SRGAP2: variants seen among roughly 807,000 people sequenced by gnomAD.
The protein encoded by SRGAP2 is SLIT-ROBO Rho GTPase activating protein 2.
Under a neutral mutation model 57.2 loss-of-function variants are expected in SRGAP2, and 15 were observed. The ratio of observed to expected loss-of-function variants is 0.26; its 90% CI spans 0.18 to 0.40. The LOEUF (loss-of-function observed/expected upper bound fraction) is 0.40, where lower values mean the gene tolerates loss of function less well. SRGAP2 is among the 10% of genes least tolerant of loss of function. SRGAP2 has a pLI of 1.00. For missense variants in SRGAP2, 520 were observed against 669.6 expected (o/e 0.78, Z 2.47); for synonymous variants, 249 against 248.0 (o/e 1.00, Z -0.04).
intron 3 of SRGAP2, among the ~76,000 whole-genome samples, chr1:206,304,008 C>T (rs1190979483): frequency 1.1e-4 from 17 of 152,082 alleles, no homozygotes; most frequent in African/African-American, 4.1e-4. Context: ...ACCATTTCAC[C>T]AAACTGTCTT....
rs199631556 is a variant in SRGAP2, at chr1:206,222,350, AC to A, written c.67+16314del. ...GATTGGCCTTTTTTTTTCACTGAGC[AC>A]AAGTCTCTGAAGACTCATTCAGGTT... On this transcript the variant is annotated intron_variant, in intron 2 of 22. Transcript: ENST00000573034. Among the ~76,000 whole-genome samples the A allele has an allele frequency of 6.7e-3, 1,017 of 152,054 alleles. 4 individuals carry two copies. The highest frequency in any genetic ancestry group is 0.034 in the Middle Eastern group (10 of 294).
At chr1:206,233,134 TG>T (rs1226288274) in intron 2 of SRGAP2, among the ~76,000 whole-genome samples, 1 of 152,102 alleles carries the variant, frequency 6.6e-6, no homozygotes, top group East Asian at 1.9e-4. Flanking sequence ...TGATGTCTAA[TG>T]CAATGCTCTT....
chr1:206,415,954 G>A lies in SRGAP2; in HGVS notation c.1422G>A (p.Leu474=). ...AGTTACAAGCCAAGCATGACCTTCT[G>A]CAGAAAACCCTGGGAGAAAGTGAGT... The part of the protein sequence containing the change: ...ITKLQAKHDL[L]QKTLGESQRT... Residue 474 remains leucine, a synonymous_variant, in exon 11 of 23, where the codon CTG becomes CTA. Coordinates refer to ENST00000573034, the MANE Select transcript of SRGAP2 (RefSeq NM_015326.5). The A allele has an allele frequency of 1.3e-6, 1 of 780,536 alleles. No individual in the cohort carries two copies. Among genetic ancestry groups the A allele is most frequent in the Non-Finnish European group, 2.4e-6 (1 of 417,904 alleles). The allele number at this position is 780,536 out of a possible 1,614,324, so 48.4% of individuals were successfully genotyped here. A position where few individuals can be genotyped will look rare whatever the true frequency, so the allele number is the denominator to read the frequency against.
intron 18 of SRGAP2, among the ~76,000 whole-genome samples, chr1:206,449,447 C>CTTTT (rs60880671): frequency 7.2e-6 from 1 of 138,786 alleles, no homozygotes; most frequent in African/African-American, 2.7e-5. Flanking sequence ...TGCACACTGG[C>CTTTT]TTTTTTTTTT....
chr1:206,442,753 A>G (rs1373188980), intron 17 of SRGAP2, among the ~76,000 whole-genome samples: 1 of 152,260 alleles, frequency 6.6e-6, no homozygotes, highest in African/African-American at 2.4e-5. Context: ...AGAATGCAAG[A>G]CACAAATGAT....
Position 206,461,060 on chromosome 1 carries a change from G to A in SRGAP2, c.2856G>A (p.Ser952=), listed in dbSNP as rs200791583. The A allele has an allele frequency of 1.3e-4, 95 of 716,100 alleles. No homozygotes were observed. The highest frequency in any genetic ancestry group is 2.2e-4 in the Non-Finnish European group (84 of 383,414). The allele number at this position is 716,100 out of a possible 1,614,324, so 44.4% of individuals were successfully genotyped here. The part of the protein sequence containing the change: ...IAQDIEATMN[S]ALNELRELER... ...AGGATATTGAGGCAACAATGAACTC[G>A]GCCCTGAATGAGCTACGGGAACTAG... The change falls in exon 23 of 23, where the codon TCG becomes TCA. Residue 952 remains serine, a synonymous_variant. Coordinates refer to ENST00000573034, the MANE Select transcript of SRGAP2 (RefSeq NM_015326.5).
At chr1:206,409,870 A>G (rs9970688) in intron 10 of SRGAP2, among the ~76,000 whole-genome samples, 91,489 of 149,996 alleles carry the variant, frequency 0.61, 29,848 homozygotes, top group African/African-American at 0.84. Flanking sequence ...AGGCCGAGGC[A>G]GGCGGATCAC....
At chr1:206,453,148 T>C in intron 19 of SRGAP2, 52 bp from the exon 20 acceptor site, 1 of 455,272 alleles carries the variant, frequency 2.2e-6, no homozygotes, top group South Asian at 4.9e-5. Flanking sequence ...CCCAGTTTCC[T>C]GAGTCTGCAG....
Position 206,257,398 on chromosome 1 carries a change from C to T in SRGAP2, c.68-45883C>T, listed in dbSNP as rs1243713036. On this transcript the variant is annotated intron_variant, in intron 2 of 22. Coordinates refer to ENST00000573034, the MANE Select transcript of SRGAP2 (RefSeq NM_015326.5). ...TGTTTCCCAGGATGGAGTGCAGTAG[C>T]GTGATCATGGCTTGCTGCAGCCTCA... Among the ~76,000 whole-genome samples, 90 of 83,680 alleles carry T rather than the reference C, an allele frequency of 1.1e-3. 1 individual carries two copies. Among genetic ancestry groups the T allele is most frequent in the Middle Eastern group, 5.2e-3 (1 of 194 alleles). The allele number at this position is 83,680 out of a possible 152,430, so 54.9% of individuals were successfully genotyped here.
intron 3 of SRGAP2, among the ~76,000 whole-genome samples, chr1:206,341,890 A>G (rs1675219648): frequency 6.6e-6 from 1 of 151,982 alleles, no homozygotes; most frequent in South Asian, 2.1e-4. Flanking sequence ...CCCAGCTACT[A>G]GGGAGGCTGA....
intron 3 of SRGAP2, among the ~76,000 whole-genome samples, chr1:206,307,696 G>A (rs1268261401): frequency 2.6e-5 from 4 of 152,258 alleles, no homozygotes; most frequent in African/African-American, 7.2e-5. Flanking sequence ...ACTGGCCCGG[G>A]TGCTAAGTCC....
At chr1:206,441,679 T>C (rs1229954194) in intron 17 of SRGAP2, among the ~76,000 whole-genome samples, 17 of 152,244 alleles carry the variant, frequency 1.1e-4, no homozygotes, top group African/African-American at 4.1e-4. Context: ...ATTTCACTTT[T>C]TAAAAACCTA....
chr1:206,440,649 G>C (rs1230008816), intron 17 of SRGAP2, among the ~76,000 whole-genome samples: 1 of 151,988 alleles, frequency 6.6e-6, no homozygotes, highest in East Asian at 1.9e-4. Context: ...CTAGGTTCAA[G>C]CGATTCTCCT....
chr1:206,214,176 G>C (rs1347816097), intron 2 of SRGAP2, among the ~76,000 whole-genome samples: 9 of 149,756 alleles, frequency 6.0e-5, no homozygotes, highest in South Asian at 2.1e-4. Context: ...CTATTGTTTC[G>C]ACCACATTTC....
intron 2 of SRGAP2, among the ~76,000 whole-genome samples, chr1:206,284,877 A>G (rs1472898922): frequency 6.6e-6 from 1 of 152,250 alleles, no homozygotes; most frequent in Non-Finnish European, 1.5e-5. Context: ...CAAAACCACC[A>G]TGGCCTAGAT....
At chr1:206,418,938 A>T (rs781949632) in intron 11 of SRGAP2, among the ~76,000 whole-genome samples, 1 of 111,548 alleles carries the variant, frequency 9.0e-6, no homozygotes, top group East Asian at 2.5e-4. Flanking sequence ...GTGTGTGTGT[A>T]TACTCAGGAG....
At chr1:206,451,895 C>A (rs1553376093) in intron 19 of SRGAP2, among the ~76,000 whole-genome samples, 1 of 152,178 alleles carries the variant, frequency 6.6e-6, no homozygotes, top group East Asian at 1.9e-4. Flanking sequence ...AATCTCCAAC[C>A]CCTCCTGTGC....
intron 7 of SRGAP2, among the ~76,000 whole-genome samples, chr1:206,396,304 GT>G (rs1435199949): frequency 7.1e-6 from 1 of 140,494 alleles, no homozygotes. Context: ...GGTTTTTGTT[GT>G]TTTTCCTGGG....
intron 2 of SRGAP2, among the ~76,000 whole-genome samples, chr1:206,241,236 GAGA>G (rs1571651399): frequency 6.6e-6 from 1 of 152,356 alleles, no homozygotes; most frequent in East Asian, 1.9e-4. Context: ...GGGTTTGAGA[GAGA>G]AGAAGAGAGA....
Sources: gnomAD v4.1 joint callset for allele counts (sites outside exome capture counted in the v4.1 genomes callset) on GRCh38, gnomAD v4.1.1 for gene constraint, MANE v1.5 for transcripts, NCBI Gene and HGNC (gene_info 2026-07-23, HGNC 2026-07-21) for gene names.